The following GRIK1 variants were observed in gnomAD, a reference collection of about 807,000 sequenced individuals.
GRIK1 encodes glutamate receptor ionotropic, kainate 1.
GRIK1 carries 69 observed loss-of-function variants against 105.7 expected under a neutral mutation model. The ratio of observed to expected loss-of-function variants is 0.65; its 90% confidence interval spans 0.54 to 0.80. GRIK1 has a LOEUF of 0.80. GRIK1 is among the 30% of genes least tolerant of loss of function. The pLI, the probability that GRIK1 is intolerant of heterozygous loss-of-function variation, is 0.00. For missense variants in GRIK1, 1,109 were observed against 1,167.3 expected (o/e 0.95, Z 0.73); for synonymous variants, 438 against 431.3 (o/e 1.02, Z -0.19).
At chr21:29,683,623 G>C (rs1472655246) in intron 3 of GRIK1, among the ~76,000 whole-genome samples, 1 of 152,198 alleles carries the variant, frequency 6.6e-6, no homozygotes, top group East Asian at 1.9e-4. Flanking sequence ...GCGACTACTA[G>C]AGGAGGGAGG....
At chr21:29,553,815 C>A (rs1327870344) in intron 16 of GRIK1, 7 of 722,242 alleles carry the variant, frequency 9.7e-6, no homozygotes, top group Non-Finnish European at 1.6e-5. Flanking sequence ...CTATGAAAAG[C>A]ACATTAAAGC....
chr21:29,690,564 A>C (rs1244928707), intron 2 of GRIK1, among the ~76,000 whole-genome samples: 1 of 152,222 alleles, frequency 6.6e-6, no homozygotes, highest in Non-Finnish European at 1.5e-5. Flanking sequence ...AGCATAGCTT[A>C]AAGGGATCTC....
intron 14 of GRIK1, among the ~76,000 whole-genome samples, chr21:29,563,635 A>G (rs1361192858): frequency 6.6e-6 from 1 of 152,206 alleles, no homozygotes; most frequent in Non-Finnish European, 1.5e-5. Context: ...ATAGTAAAAG[A>G]GCTACTCATA....
At chr21:29,883,327 CA>C (rs1334990123) in intron 1 of GRIK1, among the ~76,000 whole-genome samples, 17 of 151,922 alleles carry the variant, frequency 1.1e-4, no homozygotes, top group Admixed American at 1.1e-3. Context: ...GCTGGTGAGT[CA>C]AATAAAAATA....
At chr21:29,834,486 A>AC (rs1172286863) in intron 1 of GRIK1, among the ~76,000 whole-genome samples, 1 of 151,014 alleles carries the variant, frequency 6.6e-6, no homozygotes, top group Non-Finnish European at 1.5e-5. Flanking sequence ...TTCACCCCCC[A>AC]CTTTGTTCTT....
intron 1 of GRIK1, among the ~76,000 whole-genome samples, chr21:29,905,858 C>T (rs548732103): frequency 2.2e-4 from 33 of 152,222 alleles, no homozygotes; most frequent in Admixed American, 1.2e-3. Context: ...GAACTTCTGA[C>T]CTCAAGTGAT....
intron 1 of GRIK1, among the ~76,000 whole-genome samples, chr21:29,713,873 C>T (rs373916088): frequency 1.3e-5 from 2 of 152,056 alleles, no homozygotes; most frequent in Non-Finnish European, 2.9e-5. Context: ...TGGTGTAGCA[C>T]CTCTTAATTT....
chr21:29,672,894 T>C, intron 4 of GRIK1, 89 bp downstream of exon 4: 1 of 896,754 alleles, frequency 1.1e-6, no homozygotes, highest in Non-Finnish European at 1.7e-6. Flanking sequence ...AGTTTTATTA[T>C]GCTGCATTAA....
intron 1 of GRIK1, among the ~76,000 whole-genome samples, chr21:29,882,002 G>T (rs1049146616): frequency 3.9e-5 from 6 of 152,044 alleles, no homozygotes; most frequent in African/African-American, 1.4e-4. Context: ...TGGCATCATG[G>T]GATTCGTAGA....
At chr21:29,901,124 G>A (rs2070390471) in intron 1 of GRIK1, among the ~76,000 whole-genome samples, 1 of 152,170 alleles carries the variant, frequency 6.6e-6, no homozygotes, top group Admixed American at 6.5e-5. Context: ...GAATCTCTGG[G>A]ACACATTTAA....
intron 1 of GRIK1, among the ~76,000 whole-genome samples, chr21:29,816,356 A>T (rs2067154616): frequency 6.6e-6 from 1 of 152,084 alleles, no homozygotes; most frequent in African/African-American, 2.4e-5. Context: ...TGGGAATGCA[A>T]ATTAGCATAA....
chr21:29,765,068 T>C (rs982961158), intron 1 of GRIK1, among the ~76,000 whole-genome samples: 5 of 152,340 alleles, frequency 3.3e-5, no homozygotes, highest in East Asian at 3.9e-4. Context: ...ATATATTTCC[T>C]TTAAAAGATC....
chr21:29,867,928 G>A lies in GRIK1; in HGVS notation c.118+71455C>T, dbSNP rs1179033745. Among the ~76,000 whole-genome samples the A allele has an allele frequency of 4.8e-3, 632 of 130,394 alleles. 1 individual carries two copies. The highest frequency in any genetic ancestry group is 0.019 in the Middle Eastern group (5 of 258). 85.5% of individuals were successfully genotyped at this position (130,394 alleles called of 152,430 possible). On this transcript the variant is annotated intron_variant, in intron 1 of 17. Coordinates refer to ENST00000327783, the MANE Select transcript of GRIK1 (RefSeq NM_001330994.2). ...AAAGAAAGAGAGAGAAAGAGAGAAA[G>A]AGAGAGAAAGAGAGAGAGAAAGAGA...
At chr21:29,628,675 A>G (rs1034981239) in intron 7 of GRIK1, among the ~76,000 whole-genome samples, 3 of 152,246 alleles carry the variant, frequency 2.0e-5, no homozygotes, top group African/African-American at 7.2e-5. Context: ...AATGGGCAGG[A>G]TCACAAACCT....
At chr21:29,644,456 T>TAGAGAACAA (rs2062577055) in intron 6 of GRIK1, among the ~76,000 whole-genome samples, 1 of 152,238 alleles carries the variant, frequency 6.6e-6, no homozygotes, top group South Asian at 2.1e-4. Context: ...GACATTTATT[T>TAGAGAACAA]TTGTGAGAAC....
intron 1 of GRIK1, among the ~76,000 whole-genome samples, chr21:29,716,850 C>A (rs775513982): frequency 1.9e-4 from 29 of 152,240 alleles, no homozygotes; most frequent in Middle Eastern, 3.2e-3. Context: ...ATCACCAAGA[C>A]AATGGGGAAA....
intron 4 of GRIK1, among the ~76,000 whole-genome samples, chr21:29,662,600 T>C (rs2062986145): frequency 6.6e-6 from 1 of 152,066 alleles, no homozygotes; most frequent in Non-Finnish European, 1.5e-5. Context: ...ATACCTCAAA[T>C]TTGCTTGAAA....
intron 7 of GRIK1, among the ~76,000 whole-genome samples, chr21:29,626,175 C>T (rs1281355693): frequency 4.6e-5 from 7 of 152,058 alleles, no homozygotes; most frequent in African/African-American, 1.4e-4. Context: ...CTGGTGAGGG[C>T]CTTTTTGCTA....
chr21:29,635,101 G>GACTT lies in GRIK1; in HGVS notation c.1098+7721_1098+7724dup, dbSNP rs113954594. 4.6e-3 allele frequency among the ~76,000 whole-genome samples: 702 copies of GACTT among 152,278 alleles called. 5 individuals are homozygous for GACTT. Among genetic ancestry groups the GACTT allele is most frequent in the African/African-American group, 0.016 (666 of 41,558 alleles). On this transcript the variant is annotated intron_variant, in intron 7 of 17. Coordinates refer to ENST00000327783, the MANE Select transcript of GRIK1 (RefSeq NM_001330994.2). ...AATATCTCTGACAGACAGTTGACAG[G>GACTT]ACTTAATCAGATGAGTGTACTGAGG...
Sources: gnomAD v4.1 joint callset for allele counts (sites outside exome capture counted in the v4.1 genomes callset) on GRCh38, gnomAD v4.1.1 for gene constraint, MANE v1.5 for transcripts, NCBI Gene and HGNC (gene_info 2026-07-23, HGNC 2026-07-21) for gene names.